PKNOX2: variants seen among roughly 807,000 people sequenced by gnomAD.
PKNOX2 encodes the protein PBX/knotted 1 homeobox 2, also known as homeobox protein PKNOX2.
In PKNOX2, 14 loss-of-function variants were observed where a neutral mutation model predicts 53.1. The observed-to-expected ratio is 0.26, with a 90% CI of 0.17 to 0.41. The LOEUF (loss-of-function observed/expected upper bound fraction) is 0.41. Among genes scored for constraint, PKNOX2 ranks in the 10% least tolerant of loss-of-function variants. The pLI is 1.00. For synonymous variants in PKNOX2, 257 were observed against 242.8 expected (o/e 1.06, Z -0.54); for missense variants, 496 against 602.8 (o/e 0.82, Z 1.85).
chr11:125,189,447 G>GTATATA (rs58968290), intron 1 of PKNOX2, among the ~76,000 whole-genome samples: 24 of 23,458 alleles, frequency 1.0e-3, no homozygotes, highest in South Asian at 1.4e-3. Flanking sequence ...GTGTGTGTGT[G>GTATATA]TATATATATA....
At chr11:125,173,051 T>A (rs1955441585) in intron 1 of PKNOX2, among the ~76,000 whole-genome samples, 2 of 143,514 alleles carry the variant, frequency 1.4e-5, no homozygotes, top group Admixed American at 6.8e-5. Context: ...TGACCCTGGT[T>A]CTACTACAGC....
intron 3 of PKNOX2, among the ~76,000 whole-genome samples, chr11:125,335,452 G>A (rs982852079): frequency 2.6e-5 from 4 of 152,168 alleles, no homozygotes; most frequent in Non-Finnish European, 5.9e-5. Context: ...TCTCCGAGGA[G>A]TCTTTCAGGC....
rs796196395 is a variant in PKNOX2, at chr11:125,413,016, G to C, written c.936+1151G>C. Reference sequence around the variant, plus strand: ...GTGCTGGACCTTCCTGTGCACCCAAGAGACTGGAAGGATTACCTCCTAGAA... The same window carrying C: ...GTGCTGGACCTTCCTGTGCACCCAACAGACTGGAAGGATTACCTCCTAGAA... On this transcript the variant is annotated intron_variant, in intron 10 of 12. Transcript: ENST00000298282. 4.6e-4 allele frequency among the ~76,000 whole-genome samples: 70 copies of C among 152,294 alleles called. 1 individual carries two copies. The highest frequency in any genetic ancestry group is 1.6e-3 in the African/African-American group (66 of 41,580).
At chr11:125,236,080 C>A (rs529462269) in intron 2 of PKNOX2, among the ~76,000 whole-genome samples, 1 of 152,214 alleles carries the variant, frequency 6.6e-6, no homozygotes, top group Admixed American at 6.5e-5. Flanking sequence ...CCGTTATCAG[C>A]GCACATCTTC....
rs1206428531 is a variant in PKNOX2, at chr11:125,364,700, TAAC to T, written c.88-3142_88-3140del. Among the ~76,000 whole-genome samples the T allele has an allele frequency of 2.6e-4, 40 of 152,334 alleles. 1 individual carries two copies. The highest frequency in any genetic ancestry group is 8.2e-4 in the African/African-American group (34 of 41,578). On this transcript the variant is annotated intron_variant, in intron 4 of 12. Transcript: ENST00000298282. The stretch of plus-strand genomic sequence containing the variant: ...ATTCCGGAAATCTCGTGTTTAATAA[TAAC>T]AACCTCTCCTCCATCTGTGAAGCGC...
intron 10 of PKNOX2, among the ~76,000 whole-genome samples, chr11:125,428,090 C>A (rs911359872): frequency 2.6e-5 from 4 of 152,178 alleles, no homozygotes; most frequent in Admixed American, 1.3e-4. Context: ...CTTCACTCAG[C>A]AGGCATTTGT....
At chr11:125,410,369 G>T (rs1254889743) in intron 8 of PKNOX2, 44 bp downstream of exon 8, 1 of 1,610,496 alleles carries the variant, frequency 6.2e-7, no homozygotes, top group South Asian at 1.1e-5. Flanking sequence ...AATTCCCTGG[G>T]AGGAGAAAGG....
intron 2 of PKNOX2, among the ~76,000 whole-genome samples, chr11:125,314,215 G>A (rs60103627): frequency 0.019 from 2,844 of 152,156 alleles, 90 homozygotes; most frequent in African/African-American, 0.064. Context: ...TGGTCAGCTC[G>A]TCGTGAATCA....
intron 2 of PKNOX2, among the ~76,000 whole-genome samples, chr11:125,285,028 G>A (rs1420201773): frequency 6.6e-6 from 1 of 152,098 alleles, no homozygotes; most frequent in African/African-American, 2.4e-5. Flanking sequence ...GGAGCAAGTT[G>A]CCACATAGCA....
At chr11:125,297,221 T>C (rs1408771632) in intron 2 of PKNOX2, among the ~76,000 whole-genome samples, 1 of 152,214 alleles carries the variant, frequency 6.6e-6, no homozygotes, top group Non-Finnish European at 1.5e-5. Context: ...TAGATCAATA[T>C]TTACATATTT....
intron 2 of PKNOX2, among the ~76,000 whole-genome samples, chr11:125,290,166 A>T (rs1182635705): frequency 1.3e-5 from 2 of 151,818 alleles, no homozygotes; most frequent in Non-Finnish European, 2.9e-5. Flanking sequence ...GGAGCTCCAA[A>T]ATCCTCCTGG....
chr11:125,243,032 T>A (rs1943278044), intron 2 of PKNOX2, among the ~76,000 whole-genome samples: 1 of 152,222 alleles, frequency 6.6e-6, no homozygotes, highest in South Asian at 2.1e-4. Context: ...TAATATTTCC[T>A]ATTTTTTCTT....
At chr11:125,207,026 G>A (rs1310286237) in intron 1 of PKNOX2, among the ~76,000 whole-genome samples, 26 of 15,606 alleles carry the variant, frequency 1.7e-3, no homozygotes, top group African/African-American at 4.4e-3. Flanking sequence ...TTCAGGTGGC[G>A]GGGGGTGAGG....
intron 1 of PKNOX2, among the ~76,000 whole-genome samples, chr11:125,180,291 T>C (rs1206085948): frequency 6.7e-6 from 1 of 149,962 alleles, no homozygotes; most frequent in Non-Finnish European, 1.5e-5. Context: ...GAGCGATTGT[T>C]GGATTTCTGT....
chr11:125,350,044 C>A (rs1951212698), intron 3 of PKNOX2, among the ~76,000 whole-genome samples: 1 of 152,148 alleles, frequency 6.6e-6, no homozygotes, highest in Admixed American at 6.5e-5. Context: ...GAGTGCTGTG[C>A]TCACAAAGGT....
chr11:125,228,648 T>C (rs1455827362), intron 1 of PKNOX2, among the ~76,000 whole-genome samples: 1 of 152,200 alleles, frequency 6.6e-6, no homozygotes, highest in African/African-American at 2.4e-5. Flanking sequence ...GAGTGGTATG[T>C]GGCCTGCTTT....
chr11:125,190,852 A>G (rs1956835411), intron 1 of PKNOX2: 1 of 152,226 alleles, frequency 6.6e-6, no homozygotes, highest in African/African-American at 2.4e-5. Context: ...GCCTAGAGCA[A>G]TTATTGTCTG....
intron 1 of PKNOX2, among the ~76,000 whole-genome samples, chr11:125,200,586 C>T (rs943212061): frequency 2.0e-5 from 3 of 152,216 alleles, no homozygotes; most frequent in South Asian, 2.1e-4. Flanking sequence ...CAGTGCCTCC[C>T]GCCGGTTCCC....
At chr11:125,273,715 G>T in intron 2 of PKNOX2, among the ~76,000 whole-genome samples, 1 of 152,194 alleles carries the variant, frequency 6.6e-6, no homozygotes, top group East Asian at 1.9e-4. Flanking sequence ...TGTGAGTACA[G>T]TTTCCTTATT....
Sources: gnomAD v4.1 joint callset for allele counts (sites outside exome capture counted in the v4.1 genomes callset) on GRCh38, gnomAD v4.1.1 for gene constraint, MANE v1.5 for transcripts, NCBI Gene and HGNC (gene_info 2026-07-23, HGNC 2026-07-21) for gene names.